CROCC2: variants seen among roughly 807,000 people sequenced by gnomAD.
CROCC2 encodes ciliary rootlet coiled-coil, rootletin family member 2.
In CROCC2, 163 loss-of-function variants were observed where a neutral mutation model predicts 177.6. The ratio of observed to expected loss-of-function variants is 0.92; its 90% CI spans 0.81 to 1.05. The LOEUF (loss-of-function observed/expected upper bound fraction) is 1.05, where lower values mean the gene tolerates loss of function less well. Ranked by LOEUF, CROCC2 falls within the 50% of genes least tolerant of loss-of-function variation. The probability of loss-of-function intolerance (pLI) is 0.00; values close to 1 mark genes in which losing one functional copy is unlikely to be tolerated. For synonymous variants in CROCC2, 904 were observed against 787.3 expected (o/e 1.15, Z -2.48); for missense variants, 1,929 against 1,797.8 (o/e 1.07, Z -1.32).
chr2:240,991,358 T>C, intron 31 of CROCC2, 80 bp downstream of exon 31: 1 of 1,302,654 alleles, frequency 7.7e-7, no homozygotes, highest in Non-Finnish European at 1.1e-6. Context: ...CTGGGGAAGG[T>C]GCTGGAGGCC....
intron 2 of CROCC2, among the ~76,000 whole-genome samples, chr2:240,919,688 C>T (rs965672780): frequency 2.0e-5 from 3 of 152,178 alleles, no homozygotes; most frequent in African/African-American, 7.2e-5. Context: ...GCGTCCAGGC[C>T]GCCCACACAC....
intron 25 of CROCC2, 116 bp from the exon 26 acceptor site, chr2:240,967,229 G>A: frequency 4.4e-6 from 2 of 452,802 alleles, no homozygotes; most frequent in South Asian, 4.8e-5. Context: ...GCCCTGCCCT[G>A]CACACCTGCA....
At chr2:240,910,614 G>A (rs976492250) in intron 1 of CROCC2, among the ~76,000 whole-genome samples, 3 of 152,356 alleles carry the variant, frequency 2.0e-5, no homozygotes, top group Non-Finnish European at 2.9e-5. Flanking sequence ...GCACAGTGGG[G>A]AGGAAGTGGT....
chr2:240,950,236 A>C, intron 17 of CROCC2, 98 bp from the exon 18 acceptor site: 1 of 1,269,386 alleles, frequency 7.9e-7, no homozygotes, highest in Non-Finnish European at 1.1e-6. Context: ...GGGGTCCATC[A>C]GCCCTGGCAT....
chr2:240,907,205 G>C (rs1430826769), intron 1 of CROCC2, among the ~76,000 whole-genome samples: 1 of 152,180 alleles, frequency 6.6e-6, no homozygotes, highest in Non-Finnish European at 1.5e-5. Flanking sequence ...CTCAGCCCTA[G>C]TGTCTATTCT....
intron 27 of CROCC2, among the ~76,000 whole-genome samples, chr2:240,975,284 C>T (rs563169377): frequency 2.0e-5 from 3 of 152,334 alleles, no homozygotes; most frequent in African/African-American, 7.2e-5. Flanking sequence ...CATGAACTGG[C>T]ACCAGACCCT....
At chr2:240,921,245 C>G (rs554708555) in intron 3 of CROCC2, among the ~76,000 whole-genome samples, 1 of 152,184 alleles carries the variant, frequency 6.6e-6, no homozygotes, top group Non-Finnish European at 1.5e-5. Flanking sequence ...CTGAGGGGCC[C>G]GTTCTCTGCT....
intron 15 of CROCC2, among the ~76,000 whole-genome samples, chr2:240,948,653 C>G (rs2106469101): frequency 6.6e-6 from 1 of 152,330 alleles, no homozygotes; most frequent in East Asian, 1.9e-4. Flanking sequence ...TTGGTGTGTG[C>G]TCCAGGTGTC....
At chr2:240,926,138 C>T (rs184295145) in intron 5 of CROCC2, among the ~76,000 whole-genome samples, 13 of 152,340 alleles carry the variant, frequency 8.5e-5, no homozygotes, top group African/African-American at 2.2e-4. Context: ...GCACTGGGGC[C>T]GCACCCCAGC....
At chr2:240,916,606 A>G (rs2059323098) in intron 1 of CROCC2, among the ~76,000 whole-genome samples, 1 of 150,290 alleles carries the variant, frequency 6.7e-6, no homozygotes, top group South Asian at 2.1e-4. Flanking sequence ...GCACCCGTCC[A>G]CAGATGGAAC....
rs2059607240 is a variant in CROCC2 at position 240,958,375 on chromosome 2, G to A, written c.2944-926G>A. 6.6e-6 allele frequency among the ~76,000 whole-genome samples: 1 copy of A among 152,178 alleles called. No individual in the cohort carries two copies. The highest frequency in any genetic ancestry group is 1.5e-5 in the Non-Finnish European group (1 of 68,026). On this transcript the variant is annotated intron_variant, in intron 19 of 31. Coordinates refer to ENST00000690015, the MANE Select transcript of CROCC2 (RefSeq NM_001351305.2). The surrounding 1 kb of genome is among the most constrained non-coding windows in gnomAD (Gnocchi z 6.7). Reference sequence around the variant, plus strand: ...CCTTCTCAGTCCAGAGAGACCAGAGGGGGTTGTAAAGAATGACGACAGGAG... The same window carrying A: ...CCTTCTCAGTCCAGAGAGACCAGAGAGGGTTGTAAAGAATGACGACAGGAG...
At chr2:240,914,216 C>T (rs2059304559) in intron 1 of CROCC2, among the ~76,000 whole-genome samples, 1 of 152,206 alleles carries the variant, frequency 6.6e-6, no homozygotes, top group Admixed American at 6.5e-5. Context: ...CGAGTGGGGG[C>T]CCAAGGCTGG....
intron 15 of CROCC2, among the ~76,000 whole-genome samples, chr2:240,948,731 T>C (rs1046284720): frequency 5.3e-5 from 8 of 152,164 alleles, no homozygotes; most frequent in Admixed American, 5.2e-4. Flanking sequence ...AATCACGCCG[T>C]ATGTGGGGGT....
intron 1 of CROCC2, among the ~76,000 whole-genome samples, chr2:240,910,385 G>C (rs1574739969): frequency 6.8e-6 from 1 of 146,084 alleles, no homozygotes; most frequent in African/African-American, 2.5e-5. Flanking sequence ...CCGTTCCTTG[G>C]CTTGAATTTT....
chr2:240,949,607 C>A lies in CROCC2; in HGVS notation c.2557C>A (p.Arg853=). Residue 853 remains arginine, a synonymous_variant, in exon 17 of 32, where the codon CGA becomes AGA. Coordinates refer to ENST00000690015, the MANE Select transcript of CROCC2 (RefSeq NM_001351305.2). This position sits in a 1 kb window ranked among gnomAD's most constrained non-coding sequence, Gnocchi z 4.5. ...GCGGCAGGACACGGTGCGGCTCCAG[C>A]GACAGGTGGCACAGCAGGAGCGGGA... The part of the protein sequence containing the change: ...KLRQDTVRLQ[R]QVAQQEREAQ... 1.3e-6 allele frequency: 2 copies of A among 1,550,502 alleles called. No individual in the cohort carries two copies. Among genetic ancestry groups the A allele is most frequent in the South Asian group, 1.2e-5 (1 of 84,044 alleles).
intron 1 of CROCC2, among the ~76,000 whole-genome samples, chr2:240,907,806 C>T (rs1373329812): frequency 3.1e-5 from 4 of 130,996 alleles, no homozygotes; most frequent in Non-Finnish European, 4.9e-5. Context: ...GTGAGCTCTA[C>T]CTCCTCCACC....
intron 2 of CROCC2, 49 bp from the exon 3 acceptor site, chr2:240,919,934 G>A (rs990380481): frequency 4.2e-6 from 3 of 708,726 alleles, no homozygotes; most frequent in African/African-American, 3.5e-5. Context: ...AAGGCTGAGT[G>A]TGGGTGGGCC....
At chr2:240,919,343 T>C (rs1460871986) in intron 2 of CROCC2, among the ~76,000 whole-genome samples, 1 of 152,088 alleles carries the variant, frequency 6.6e-6, no homozygotes, top group Non-Finnish European at 1.5e-5. Flanking sequence ...GGTTTCTTCC[T>C]CAGCGTGGAA....
At chr2:240,983,736 A>G in intron 28 of CROCC2, 1 of 751,304 alleles carries the variant, frequency 1.3e-6, no homozygotes, top group South Asian at 1.5e-5. Context: ...GCAGGTGGCC[A>G]CAGCCCTGCC....
Sources: allele counts gnomAD v4.1 joint callset (sites outside exome capture counted in the v4.1 genomes callset), GRCh38; gene constraint gnomAD v4.1.1; non-coding constraint Gnocchi (gnomAD v3.1); transcripts MANE v1.5; gene names NCBI Gene and HGNC (gene_info 2026-07-23, HGNC 2026-07-21).